TACR1: variants seen among roughly 807,000 people sequenced by gnomAD.
The protein encoded by TACR1 is tachykinin receptor 1.
TACR1 carries 25 observed loss-of-function variants against 35.8 expected under a neutral mutation model. The ratio of observed to expected loss-of-function variants is 0.70; its 90% confidence interval spans 0.51 to 0.98. The LOEUF (loss-of-function observed/expected upper bound fraction) is 0.98, where lower values mean the gene tolerates loss of function less well. Among genes scored for constraint, TACR1 ranks in the 50% least tolerant of loss-of-function variants. The probability of loss-of-function intolerance (pLI) is 0.00; values close to 1 mark genes in which losing one functional copy is unlikely to be tolerated. For synonymous variants in TACR1, 195 were observed against 206.7 expected, an observed-to-expected ratio of 0.94 and a Z score of 0.48; for missense variants, 478 against 522.9, an observed-to-expected ratio of 0.91 and a Z score of 0.84.
intron 1 of TACR1, among the ~76,000 whole-genome samples, chr2:75,141,057 T>C (rs1041984480): frequency 5.9e-5 from 9 of 152,190 alleles, no homozygotes; most frequent in Admixed American, 5.2e-4. Context: ...CTGGTGAGTC[T>C]CTTAAGAACT....
At position 75,198,535 on chromosome 2, in the gene TACR1, G is replaced by T. The variant is rs200312221; in HGVS notation, c.389+11C>A. 3.7e-6 allele frequency: 6 copies of T among 1,610,602 alleles called. No homozygotes were observed. Among genetic ancestry groups the T allele is most frequent in the Non-Finnish European group, 5.1e-6 (6 of 1,177,092 alleles). On this transcript the variant is annotated intron_variant, in intron 1 of 4. Coordinates refer to ENST00000305249, the MANE Select transcript of TACR1 (RefSeq NM_001058.4). ...AGCACTTTCTCGCCTTTTCACAAAG[G>T]CTAATCTCACCTATCAAAGGCCACA...
At chr2:75,188,275 T>C (rs1439329769) in intron 1 of TACR1, 1 of 152,230 alleles carries the variant, frequency 6.6e-6, no homozygotes, top group Non-Finnish European at 1.5e-5. Context: ...ATATTCACTA[T>C]TCAAGTGGAT....
At chr2:75,141,808 C>T (rs1156655960) in intron 1 of TACR1, among the ~76,000 whole-genome samples, 1 of 152,114 alleles carries the variant, frequency 6.6e-6, no homozygotes, top group Non-Finnish European at 1.5e-5. Context: ...TTTCATTGCT[C>T]TGTTTTTCAT....
chr2:75,081,937 A>T (rs1196722800), intron 2 of TACR1, among the ~76,000 whole-genome samples: 2 of 149,368 alleles, frequency 1.3e-5, no homozygotes, highest in Non-Finnish European at 3.0e-5. Context: ...ATTTTTTATT[A>T]TACTTTAAAT....
At chr2:75,123,220 C>T (rs967295698) in intron 1 of TACR1, among the ~76,000 whole-genome samples, 5 of 152,242 alleles carry the variant, frequency 3.3e-5, no homozygotes, top group Admixed American at 3.3e-4. Flanking sequence ...CCCTCACTGG[C>T]AGCTGTGCAT....
intron 2 of TACR1, among the ~76,000 whole-genome samples, chr2:75,085,427 G>T (rs911539185): frequency 2.0e-5 from 3 of 152,092 alleles, no homozygotes; most frequent in African/African-American, 4.8e-5. Context: ...CTGTTACTGC[G>T]CAATGGGCAT....
chr2:75,196,569 C>A (rs1675980883), intron 1 of TACR1, among the ~76,000 whole-genome samples: 1 of 152,168 alleles, frequency 6.6e-6, no homozygotes, highest in African/African-American at 2.4e-5. Flanking sequence ...AGGGTCGGGG[C>A]TCTGCGGTGG....
At position 75,049,328 on chromosome 2, in the gene TACR1, C is replaced by T. The variant is rs182860097; in HGVS notation, c.*104G>A. On this transcript the variant is annotated 3_prime_UTR_variant, in exon 5 of 5. Transcript: ENST00000305249. ...CCATACTGACCCTTTTTGCAAGTCC[C>T]AGTGTGAGGGTGTTTCTGATGGTTC... 7.7e-5 allele frequency: 100 copies of T among 1,305,666 alleles called. No individual in the cohort carries two copies. In the African/African-American group the frequency reaches 1.3e-3, roughly 17 times the overall value. 80.9% of individuals were successfully genotyped at this position (1,305,666 alleles called of 1,614,324 possible).
intron 1 of TACR1, among the ~76,000 whole-genome samples, chr2:75,193,926 A>T (rs750348447): frequency 1.2e-4 from 19 of 152,208 alleles, no homozygotes; most frequent in Non-Finnish European, 2.2e-4. Context: ...CCTTACCTTG[A>T]TGGCATCAAC....
chr2:75,107,965 TG>T (rs1426865096), intron 2 of TACR1, among the ~76,000 whole-genome samples: 1 of 44,116 alleles, frequency 2.3e-5, no homozygotes, highest in Non-Finnish European at 7.3e-5. Context: ...TATAATTGTA[TG>T]TTATTAAATT....
At chr2:75,148,300 C>T (rs554228780) in intron 1 of TACR1, among the ~76,000 whole-genome samples, 34 of 152,334 alleles carry the variant, frequency 2.2e-4, no homozygotes, top group Non-Finnish European at 4.3e-4. Flanking sequence ...ACCACACTGT[C>T]TTCCACAACG....
At chr2:75,161,677 C>T (rs1188687080) in intron 1 of TACR1, among the ~76,000 whole-genome samples, 1 of 151,836 alleles carries the variant, frequency 6.6e-6, no homozygotes, top group Non-Finnish European at 1.5e-5. Context: ...AACAAATCAC[C>T]TAAAATAGAA....
At chr2:75,157,714 G>A (rs1258443513) in intron 1 of TACR1, among the ~76,000 whole-genome samples, 1 of 152,196 alleles carries the variant, frequency 6.6e-6, no homozygotes, top group Non-Finnish European at 1.5e-5. Flanking sequence ...CCTGATACAT[G>A]TATTAATCTT....
chr2:75,176,309 A>AT (rs1675417885), intron 1 of TACR1, among the ~76,000 whole-genome samples: 1 of 151,802 alleles, frequency 6.6e-6, no homozygotes. Flanking sequence ...TCATTATAGT[A>AT]AAGGAGACAT....
intron 2 of TACR1, among the ~76,000 whole-genome samples, chr2:75,069,805 A>G (rs1438910352): frequency 6.6e-6 from 1 of 152,200 alleles, no homozygotes; most frequent in African/African-American, 2.4e-5. Flanking sequence ...TTCTTATCAC[A>G]TCATATCAAG....
At chr2:75,147,166 AC>A (rs2103958362) in intron 1 of TACR1, among the ~76,000 whole-genome samples, 1 of 152,356 alleles carries the variant, frequency 6.6e-6, no homozygotes, top group Non-Finnish European at 1.5e-5. Flanking sequence ...TTAAATAAAC[AC>A]CATGTTCCTT....
At chr2:75,079,258 A>G (rs924363036) in intron 2 of TACR1, among the ~76,000 whole-genome samples, 1 of 152,110 alleles carries the variant, frequency 6.6e-6, no homozygotes, top group African/African-American at 2.4e-5. Flanking sequence ...CTTCCTGTCC[A>G]ACACATGGCC....
intron 2 of TACR1, among the ~76,000 whole-genome samples, chr2:75,070,396 T>G: frequency 6.6e-6 from 1 of 152,178 alleles, no homozygotes; most frequent in Admixed American, 6.5e-5. Context: ...AAAACCACCA[T>G]CTAGATGCTG....
rs543564856 is a variant in TACR1 at position 75,121,614 on chromosome 2, A to ATTTCATATCAGCC, written c.390-859_390-847dup. The stretch of plus-strand genomic sequence containing the variant: ...TGTTGCAGAGATTTGAAGGATAAGT[A>ATTTCATATCAGCC]TTTCATATCAGCCTTTCATATCAGT... On this transcript the variant is annotated intron_variant, in intron 1 of 4. Coordinates refer to ENST00000305249, the MANE Select transcript of TACR1 (RefSeq NM_001058.4). Among the ~76,000 whole-genome samples, 892 of 152,324 alleles carry ATTTCATATCAGCC rather than the reference A, an allele frequency of 5.9e-3. 11 individuals are homozygous for ATTTCATATCAGCC. Among genetic ancestry groups the ATTTCATATCAGCC allele is most frequent in the African/African-American group, 0.02 (838 of 41,566 alleles).
Sources: allele counts gnomAD v4.1 joint callset (sites outside exome capture counted in the v4.1 genomes callset), GRCh38; gene constraint gnomAD v4.1.1; transcripts MANE v1.5; gene names NCBI Gene and HGNC (gene_info 2026-07-23, HGNC 2026-07-21).